FREM1: variants seen among roughly 807,000 people sequenced by gnomAD.
FREM1 encodes FRAS1 related extracellular matrix 1.
In FREM1, 220 loss-of-function variants were observed where a neutral mutation model predicts 210.1. The ratio of observed to expected loss-of-function variants is 1.05; its 90% CI spans 0.94 to 1.17. The LOEUF is 1.17. Among genes scored for constraint, FREM1 ranks in the 50% most tolerant of loss-of-function variants. The probability of loss-of-function intolerance (pLI) is 0.00; values close to 1 mark genes in which losing one functional copy is unlikely to be tolerated. For synonymous variants in FREM1, 1,189 were observed against 980.2 expected (o/e 1.21, Z -3.98); for missense variants, 3,454 against 2,675.5 (o/e 1.29, Z -6.42).
chr9:14,854,959 A>G (rs1449557686), intron 5 of FREM1, among the ~76,000 whole-genome samples: 2 of 152,138 alleles, frequency 1.3e-5, no homozygotes, highest in Admixed American at 6.5e-5. Flanking sequence ...AAAAGACTTA[A>G]TATTGTAAAT....
chr9:14,761,618 T>G (rs1367853306), intron 27 of FREM1, among the ~76,000 whole-genome samples: 1 of 152,198 alleles, frequency 6.6e-6, no homozygotes, highest in East Asian at 1.9e-4. Context: ...TCTGAAAATA[T>G]TAAGTGAAAA....
In FREM1 at chr9:14,868,984, A is replaced by G; in HGVS notation, c.-7T>C. The G allele has an allele frequency of 6.5e-7, 1 of 1,546,904 alleles. No individual in the cohort carries two copies. The highest frequency in any genetic ancestry group is 8.7e-7 in the Non-Finnish European group (1 of 1,145,410). The stretch of plus-strand genomic sequence containing the variant: ...CCCAACTCAGAGAGTTCATGCTGAC[A>G]GGGCCCAACTCTTCTCTGTCCACCG... On this transcript the variant is annotated 5_prime_UTR_variant, in exon 2 of 37. Coordinates refer to ENST00000380880, the MANE Select transcript of FREM1 (RefSeq NM_001379081.2).
At chr9:14,751,310 C>T (rs1363302074) in intron 29 of FREM1, among the ~76,000 whole-genome samples, 2 of 152,074 alleles carry the variant, frequency 1.3e-5, no homozygotes, top group African/African-American at 4.8e-5. Context: ...CCTTTAAGCC[C>T]CTCTATATGA....
intron 13 of FREM1, among the ~76,000 whole-genome samples, chr9:14,820,043 A>G (rs985465773): frequency 2.6e-5 from 4 of 152,226 alleles, no homozygotes; most frequent in African/African-American, 4.8e-5. Flanking sequence ...ATAATTTGCT[A>G]TAATAGAAAA....
chr9:14,893,649 G>C (rs1360635528), intron 1 of FREM1, among the ~76,000 whole-genome samples: 1 of 151,446 alleles, frequency 6.6e-6, no homozygotes, highest in Non-Finnish European at 1.5e-5. Context: ...CTTTTAGTTT[G>C]TGTGACTTAA....
At chr9:14,890,031 T>G (rs981890929) in intron 1 of FREM1, among the ~76,000 whole-genome samples, 1 of 152,238 alleles carries the variant, frequency 6.6e-6, no homozygotes, top group Non-Finnish European at 1.5e-5. Flanking sequence ...CCCTCCATTC[T>G]TGGAGCTAAG....
In FREM1 at chr9:14,808,011, G is replaced by C. The variant is rs767135696; in HGVS notation, c.3017C>G (p.Ala1006Gly). Residue 1006 changes from alanine (A) to glycine (G), a missense_variant, in exon 17 of 37, where the codon GCG becomes GGG. Ala to Gly is a moderately conservative substitution (Grantham distance 60). Transcript: ENST00000380880. ...NGPNPSVPLH[A>G]SFPVYDLNIT... ...GTTGAGATCATACACTGGAAAGGACGCATGAAGTGGAACAGATGGATTGGG... is the reference window on the plus strand; with the variant it reads ...GTTGAGATCATACACTGGAAAGGACCCATGAAGTGGAACAGATGGATTGGG... 2 of 1,613,646 alleles carry C rather than the reference G, an allele frequency of 1.2e-6. No individual in the cohort carries two copies. Among genetic ancestry groups the C allele is most frequent in the East Asian group, 2.2e-5 (1 of 44,882 alleles).
At chr9:14,751,601 A>G (rs1325223060) in intron 29 of FREM1, 2 of 150,912 alleles carry the variant, frequency 1.3e-5, no homozygotes, top group African/African-American at 4.9e-5. Flanking sequence ...TCAAGGCTGC[A>G]GTGAGCCCAG....
chr9:14,740,442 T>A (rs753234602), intron 35 of FREM1, among the ~76,000 whole-genome samples: 1 of 152,222 alleles, frequency 6.6e-6, no homozygotes, highest in Non-Finnish European at 1.5e-5. Context: ...TGGTTTATTA[T>A]AATATCTGGG....
At chr9:14,883,138 A>C (rs1473025840) in intron 1 of FREM1, among the ~76,000 whole-genome samples, 1 of 152,104 alleles carries the variant, frequency 6.6e-6, no homozygotes, top group Non-Finnish European at 1.5e-5. Context: ...AGGTTCAATA[A>C]ATGTCAAATA....
intron 10 of FREM1, among the ~76,000 whole-genome samples, chr9:14,830,365 G>A (rs566515914): frequency 1.3e-5 from 2 of 152,298 alleles, no homozygotes; most frequent in South Asian, 4.1e-4. Context: ...GGGGAAGGCA[G>A]CAAGCAAGAG....
chr9:14,770,314 G>T (rs1214144046), intron 26 of FREM1, among the ~76,000 whole-genome samples: 1 of 152,096 alleles, frequency 6.6e-6, no homozygotes, highest in Non-Finnish European at 1.5e-5. Flanking sequence ...TCACAAATAG[G>T]AAATTTGGTC....
At chr9:14,847,877 T>C (rs1826976723) in intron 7 of FREM1, among the ~76,000 whole-genome samples, 1 of 152,206 alleles carries the variant, frequency 6.6e-6, no homozygotes, top group Non-Finnish European at 1.5e-5. Flanking sequence ...TTTCTCTCAT[T>C]ACCCCCTTGA....
At chr9:14,797,756 C>A in intron 20 of FREM1, 114 bp from the exon 21 acceptor site, 1 of 845,980 alleles carries the variant, frequency 1.2e-6, no homozygotes, top group Non-Finnish European at 1.9e-6. Flanking sequence ...GTTCATTTAT[C>A]AGTGCAGTAG....
At chr9:14,882,111 T>TTGTGTGTG (rs59804222) in intron 1 of FREM1, among the ~76,000 whole-genome samples, 3 of 151,500 alleles carry the variant, frequency 2.0e-5, no homozygotes, top group African/African-American at 7.3e-5. Flanking sequence ...TGTTATTATT[T>TTGTGTGTG]TGTGTGTGTG....
At chr9:14,801,567 T>C (rs1817291910) in intron 20 of FREM1, 85 bp downstream of exon 20, 1 of 920,960 alleles carries the variant, frequency 1.1e-6, no homozygotes, top group East Asian at 2.6e-5. Context: ...TTATATTAGT[T>C]TGACCTTTTT....
chr9:14,857,534 A>C lies in FREM1; in HGVS notation c.828+19T>G, dbSNP rs751565718. ...TACTGTGAATCCTGGGGGCACCCACACATAACCCCAAACTCTACCTTGTAC... is the reference window on the plus strand; with the variant it reads ...TACTGTGAATCCTGGGGGCACCCACCCATAACCCCAAACTCTACCTTGTAC... On this transcript the variant is annotated intron_variant, in intron 5 of 36. Coordinates refer to ENST00000380880, the MANE Select transcript of FREM1 (RefSeq NM_001379081.2). The C allele has an allele frequency of 1.2e-6, 2 of 1,603,072 alleles. No homozygotes were observed.
intron 3 of FREM1, among the ~76,000 whole-genome samples, chr9:14,862,731 C>G (rs995709056): frequency 6.6e-6 from 1 of 152,174 alleles, no homozygotes; most frequent in African/African-American, 2.4e-5. Context: ...TGGAACAATA[C>G]AATATGTGAC....
chr9:14,860,580 TAC>T (rs1188000826), intron 3 of FREM1, among the ~76,000 whole-genome samples: 1 of 138,502 alleles, frequency 7.2e-6, no homozygotes, highest in Non-Finnish European at 1.5e-5. Context: ...CACATATATA[TAC>T]ACATATATAT....
Sources: gnomAD v4.1 joint callset for allele counts (sites outside exome capture counted in the v4.1 genomes callset) on GRCh38, gnomAD v4.1.1 for gene constraint, MANE v1.5 for transcripts, NCBI Gene and HGNC (gene_info 2026-07-23, HGNC 2026-07-21) for gene names.